RBFOX3: variants seen among roughly 807,000 people sequenced by gnomAD.
The protein encoded by RBFOX3 is RNA binding protein fox-1 homolog 3.
In RBFOX3, 17 loss-of-function variants were observed where a neutral mutation model predicts 48.7. The observed-to-expected ratio is 0.35, with a 90% CI of 0.24 to 0.52. RBFOX3 has a LOEUF of 0.52. RBFOX3 is among the 20% of genes least tolerant of loss of function. The pLI is 0.94. For synonymous variants in RBFOX3, 212 were observed against 209.5 expected (o/e 1.01, Z -0.10); for missense variants, 382 against 497.5 (o/e 0.77, Z 2.21).
the RBFOX3 span, among the ~76,000 whole-genome samples, chr17:79,633,130 T>TGGCCC: frequency 4.6e-5 from 7 of 152,218 alleles, no homozygotes; most frequent in Admixed American, 4.6e-4. Context: ...CCCACAGTGT[T>TGGCCC]CACGGGGCCA....
At chr17:79,562,050 G>A (rs2092256508) in intron 1 of RBFOX3, among the ~76,000 whole-genome samples, 1 of 152,204 alleles carries the variant, frequency 6.6e-6, no homozygotes. Flanking sequence ...GCCACCAAAG[G>A]CCACCAAAAG....
intron 2 of RBFOX3, among the ~76,000 whole-genome samples, chr17:79,405,283 C>A (rs2063394097): frequency 6.6e-6 from 1 of 152,168 alleles, no homozygotes; most frequent in African/African-American, 2.4e-5. Flanking sequence ...CCATCTCCAC[C>A]CTCCGCCGCC....
At chr17:79,300,811 G>A (rs1332458422) in intron 3 of RBFOX3, among the ~76,000 whole-genome samples, 1 of 152,154 alleles carries the variant, frequency 6.6e-6, no homozygotes, top group African/African-American at 2.4e-5. Flanking sequence ...AGGCACCTGG[G>A]GCTGCACTTG....
chr17:79,295,437 C>T (rs779455158), intron 3 of RBFOX3, among the ~76,000 whole-genome samples: 4 of 152,220 alleles, frequency 2.6e-5, no homozygotes, highest in Admixed American at 6.5e-5. Context: ...GGATGCCTGC[C>T]GCCTTGGTGG....
At chr17:79,523,916 C>T (rs2150019208) in intron 1 of RBFOX3, among the ~76,000 whole-genome samples, 1 of 152,302 alleles carries the variant, frequency 6.6e-6, no homozygotes, top group Non-Finnish European at 1.5e-5. Context: ...TCAGTCTCCC[C>T]TGGCCACCTC....
chr17:79,463,759 C>T (rs1266929333), intron 2 of RBFOX3, among the ~76,000 whole-genome samples: 12 of 149,064 alleles, frequency 8.1e-5, no homozygotes, highest in South Asian at 2.2e-4. Context: ...CCACCTCTAC[C>T]GCCATCACCA....
chr17:79,413,932 G>A (rs567538773), intron 2 of RBFOX3, among the ~76,000 whole-genome samples: 3 of 151,988 alleles, frequency 2.0e-5, no homozygotes, highest in Non-Finnish European at 4.4e-5. Flanking sequence ...GGCAGGTGGC[G>A]TGGGCTCTGG....
At chr17:79,233,803 C>T (rs190343904) in intron 4 of RBFOX3, 2 of 152,288 alleles carry the variant, frequency 1.3e-5, no homozygotes, top group East Asian at 3.9e-4. Context: ...GACGGGGTTT[C>T]ACTACATTGG....
chr17:79,501,435 A>G (rs2082370633), intron 1 of RBFOX3, among the ~76,000 whole-genome samples: 1 of 152,222 alleles, frequency 6.6e-6, no homozygotes, highest in African/African-American at 2.4e-5. Flanking sequence ...AGAGATGTCC[A>G]ACAGCTCCAG....
chr17:79,369,391 C>G lies in RBFOX3; in HGVS notation c.-174-61567G>C, dbSNP rs1366339761. Among the ~76,000 whole-genome samples, 6 of 152,306 alleles carry G rather than the reference C, an allele frequency of 3.9e-5. 1 individual carries two copies. In the South Asian group the frequency reaches 1.0e-3, roughly 26 times the overall value. On this transcript the variant is annotated intron_variant, in intron 2 of 14. Coordinates refer to ENST00000693108, the MANE Select transcript of RBFOX3 (RefSeq NM_001350451.2). ...CCCTGGACCCTGACCGTGACCCTTG[C>G]CGTGACTGCTGGGGGCAAAGGACAC...
chr17:79,416,056 C>T (rs183594674), intron 2 of RBFOX3, among the ~76,000 whole-genome samples: 1,760 of 152,216 alleles, frequency 0.012, 36 homozygotes, highest in African/African-American at 0.04. Flanking sequence ...CTCTTCCTCT[C>T]GCCTGCACTC....
chr17:79,151,012 C>A (rs1334011946), intron 4 of RBFOX3, among the ~76,000 whole-genome samples: 1 of 152,250 alleles, frequency 6.6e-6, no homozygotes, highest in Non-Finnish European at 1.5e-5. Flanking sequence ...CTCACCAGGG[C>A]AAGGCCACCT....
intron 2 of RBFOX3, among the ~76,000 whole-genome samples, chr17:79,463,276 C>CTCCACCACCATCACCACTGACACA (rs1568294875): frequency 1.3e-4 from 13 of 101,206 alleles, no homozygotes; most frequent in African/African-American, 4.7e-4. Context: ...CCACTGCCAC[C>CTCCACCACCATCACCACTGACACA]TCCACCACCA....
At chr17:79,395,880 C>T (rs756470791) in intron 2 of RBFOX3, among the ~76,000 whole-genome samples, 1 of 152,236 alleles carries the variant, frequency 6.6e-6, no homozygotes. Context: ...AAGGGGTAGA[C>T]CCTCACCTGC....
Position 79,390,018 on chromosome 17 carries a change from GCAGCC to G in RBFOX3, c.-174-82199_-174-82195del, listed in dbSNP as rs1439774054. On this transcript the variant is annotated intron_variant, in intron 2 of 14. Transcript: ENST00000693108. This position sits in a 1 kb window ranked among gnomAD's most constrained non-coding sequence, Gnocchi z 4.2. ...AGGTCTCCGCAGCCTCCAGGTCTCC[GCAGCC>G]TCCAGGTCTCCGTAGCCTCCAGGTC... Among the ~76,000 whole-genome samples, 6 of 128,958 alleles carry G rather than the reference GCAGCC, an allele frequency of 4.7e-5. No individual in the cohort carries two copies. The highest frequency in any genetic ancestry group is 1.5e-4 in the African/African-American group (6 of 38,842). The allele number at this position is 128,958 out of a possible 152,430, so 84.6% of individuals were successfully genotyped here.
chr17:79,480,520 G>A lies in RBFOX3; in HGVS notation c.-175+1934C>T, dbSNP rs2078626313. The stretch of plus-strand genomic sequence containing the variant: ...CTTAAGACAAAATCCAAAGTCCTCA[G>A]TCCCAACCTAAAGGCCTCTGCATCC... On this transcript the variant is annotated intron_variant, in intron 2 of 14. Coordinates refer to ENST00000693108, the MANE Select transcript of RBFOX3 (RefSeq NM_001350451.2). The surrounding 1 kb of genome is among the most constrained non-coding windows in gnomAD (Gnocchi z 4.8). Among the ~76,000 whole-genome samples the A allele has an allele frequency of 6.6e-6, 1 of 152,112 alleles. No individual in the cohort carries two copies. The highest frequency in any genetic ancestry group is 1.5e-5 in the Non-Finnish European group (1 of 68,022).
intron 4 of RBFOX3, among the ~76,000 whole-genome samples, chr17:79,146,110 C>A (rs527891717): frequency 6.6e-6 from 1 of 152,128 alleles, no homozygotes; most frequent in Non-Finnish European, 1.5e-5. Flanking sequence ...GTCACGGCAG[C>A]GATGAAGAGC....
intron 1 of RBFOX3, among the ~76,000 whole-genome samples, chr17:79,582,889 C>T (rs1202591421): frequency 2.0e-5 from 3 of 151,526 alleles, no homozygotes; most frequent in Non-Finnish European, 2.9e-5. Context: ...TTTAGATGCT[C>T]GTTCCTGAGG....
intron 2 of RBFOX3, among the ~76,000 whole-genome samples, chr17:79,404,708 C>A (rs941218553): frequency 5.9e-5 from 9 of 152,176 alleles, no homozygotes; most frequent in African/African-American, 2.2e-4. Context: ...GCTCTCACAG[C>A]CTCCCTCCCC....
Sources: gnomAD v4.1 joint callset for allele counts (sites outside exome capture counted in the v4.1 genomes callset) on GRCh38, gnomAD v4.1.1 for gene constraint, Gnocchi (gnomAD v3.1) non-coding constraint, MANE v1.5 for transcripts, NCBI Gene and HGNC (gene_info 2026-07-23, HGNC 2026-07-21) for gene names.